The following PTPRG variants were observed in gnomAD, a reference collection of about 807,000 sequenced individuals.
PTPRG encodes the protein receptor-type tyrosine-protein phosphatase gamma.
A neutral mutation model predicts 165.3 loss-of-function variants in PTPRG; 102 were observed. That is an observed-to-expected ratio of 0.62 (90% CI 0.53 to 0.73). PTPRG has a LOEUF of 0.73. Ranked by LOEUF, PTPRG falls within the 30% of genes least tolerant of loss-of-function variation. The probability of loss-of-function intolerance (pLI) is 0.00; values close to 1 mark genes in which losing one functional copy is unlikely to be tolerated. For missense variants in PTPRG, 1,866 were observed against 1,861.4 expected (o/e 1.00, Z -0.05); for synonymous variants, 675 against 669.5 (o/e 1.01, Z -0.13).
intron 4 of PTPRG, among the ~76,000 whole-genome samples, chr3:62,018,397 A>T (rs1308613088): frequency 3.9e-5 from 6 of 152,168 alleles, no homozygotes. Context: ...GCTCAATCTC[A>T]CCGTTTCCCT....
chr3:61,963,871 T>G (rs1284192218), intron 2 of PTPRG, among the ~76,000 whole-genome samples: 1 of 151,116 alleles, frequency 6.6e-6, no homozygotes, highest in East Asian at 1.9e-4. Context: ...GCAATATATA[T>G]TTTAAAAAAA....
chr3:61,578,157 G>A (rs186455641), intron 1 of PTPRG, among the ~76,000 whole-genome samples: 2 of 152,306 alleles, frequency 1.3e-5, no homozygotes, highest in East Asian at 1.9e-4. Context: ...GCTACATCGT[G>A]GGACCTGTGT....
At chr3:61,917,956 TAAAAG>T (rs141316628) in intron 2 of PTPRG, among the ~76,000 whole-genome samples, 5,955 of 151,450 alleles carry the variant, frequency 0.039, 152 homozygotes, top group Non-Finnish European at 0.065. Context: ...AATAAATAAA[TAAAAG>T]AAGAAGAAGA....
At chr3:61,636,973 A>G (rs984720850) in intron 1 of PTPRG, among the ~76,000 whole-genome samples, 10 of 152,274 alleles carry the variant, frequency 6.6e-5, no homozygotes, top group East Asian at 3.9e-4. Flanking sequence ...TACTATGCCA[A>G]TTGGTTAAAT....
rs1702983864 is a variant in PTPRG, at chr3:62,293,965, A to G, written c.*658A>G. On this transcript the variant is annotated 3_prime_UTR_variant, in exon 30 of 30. Transcript: ENST00000474889. ...CCTTATTAGTTACAAAGTTATATTC[A>G]CAGTTTTTTAAAAATGTGTCAAAAT... 6.6e-6 allele frequency: 1 copy of G among 152,546 alleles called. No individual in the cohort carries two copies. The highest frequency in any genetic ancestry group is 2.4e-5 in the African/African-American group (1 of 41,424). The allele number at this position is 152,546 out of a possible 1,614,324, so 9.4% of individuals were successfully genotyped here. A position where few individuals can be genotyped will look rare whatever the true frequency, so the allele number is the denominator to read the frequency against.
chr3:61,768,063 T>C (rs1395719403), intron 2 of PTPRG, among the ~76,000 whole-genome samples: 1 of 151,922 alleles, frequency 6.6e-6, no homozygotes, highest in African/African-American at 2.4e-5. Flanking sequence ...ATAGGAAATA[T>C]AATAATTAGA....
At chr3:62,131,819 G>T (rs1703526393) in intron 5 of PTPRG, among the ~76,000 whole-genome samples, 1 of 152,086 alleles carries the variant, frequency 6.6e-6, no homozygotes, top group Admixed American at 6.6e-5. Flanking sequence ...TTCACTCTTG[G>T]ATTATTTTGA....
intron 1 of PTPRG, among the ~76,000 whole-genome samples, chr3:61,606,095 G>A (rs965625283): frequency 1.3e-5 from 2 of 152,160 alleles, no homozygotes; most frequent in Admixed American, 6.5e-5. Flanking sequence ...ATTATCTTGC[G>A]GTTTCCATGG....
chr3:61,643,458 C>T (rs774229859), intron 1 of PTPRG, among the ~76,000 whole-genome samples: 17 of 152,126 alleles, frequency 1.1e-4, no homozygotes, highest in Non-Finnish European at 2.5e-4. Flanking sequence ...TTTTCTAGGT[C>T]CAATAATAAC....
chr3:62,113,627 C>A (rs982502977), intron 5 of PTPRG, among the ~76,000 whole-genome samples: 6 of 152,126 alleles, frequency 3.9e-5, no homozygotes, highest in African/African-American at 1.4e-4. Context: ...AAATGTCAAG[C>A]AACATGAGGG....
At chr3:62,001,800 A>T (rs2041177485) in intron 3 of PTPRG, among the ~76,000 whole-genome samples, 1 of 152,208 alleles carries the variant, frequency 6.6e-6, no homozygotes, top group Admixed American at 6.5e-5. Context: ...ATTGGATCAT[A>T]GCCTCACCCA....
intron 28 of PTPRG, among the ~76,000 whole-genome samples, chr3:62,287,403 A>C (rs1168264061): frequency 6.6e-6 from 1 of 152,176 alleles, no homozygotes; most frequent in African/African-American, 2.4e-5. Flanking sequence ...TAGGGTATTA[A>C]AATATATCCT....
chr3:62,077,997 C>CAAAAAAAA (rs56828286), intron 4 of PTPRG, among the ~76,000 whole-genome samples, 166 bp from the exon 5 acceptor site: 8 of 94,378 alleles, frequency 8.5e-5, no homozygotes, highest in Middle Eastern at 6.7e-3. Flanking sequence ...GACCTTATCT[C>CAAAAAAAA]AAAAAAAAAA....
intron 5 of PTPRG, among the ~76,000 whole-genome samples, chr3:62,101,682 G>A (rs1163763043): frequency 1.3e-5 from 2 of 152,172 alleles, no homozygotes; most frequent in Non-Finnish European, 2.9e-5. Flanking sequence ...GCCTCCAGTG[G>A]CCTGTGAATA....
At chr3:62,145,351 C>T (rs991517722) in intron 6 of PTPRG, among the ~76,000 whole-genome samples, 1 of 152,088 alleles carries the variant, frequency 6.6e-6, no homozygotes, top group Non-Finnish European at 1.5e-5. Context: ...TAGCTGTCAC[C>T]ACTGCCACCA....
At chr3:62,110,667 A>G (rs1196282154) in intron 5 of PTPRG, among the ~76,000 whole-genome samples, 2 of 152,204 alleles carry the variant, frequency 1.3e-5, no homozygotes, top group Non-Finnish European at 2.9e-5. Flanking sequence ...GTATTGCTTC[A>G]TATTTCTAGA....
intron 2 of PTPRG, among the ~76,000 whole-genome samples, chr3:61,855,623 G>A (rs891378083): frequency 6.7e-6 from 1 of 150,102 alleles, no homozygotes; most frequent in Non-Finnish European, 1.5e-5. Flanking sequence ...TTTTACTAAG[G>A]GGTATAAAAT....
chr3:61,603,309 C>T (rs1387131943), intron 1 of PTPRG, among the ~76,000 whole-genome samples: 3 of 152,108 alleles, frequency 2.0e-5, no homozygotes, highest in African/African-American at 7.2e-5. Flanking sequence ...GGGGCGGAGC[C>T]TTTGTGGTTT....
chr3:62,276,577 A>G (rs567864532), intron 24 of PTPRG: 93 of 178,358 alleles, frequency 5.2e-4, no homozygotes, highest in African/African-American at 2.0e-3. Context: ...CTCTTTTCTA[A>G]GACCATCATG....
Sources: gnomAD v4.1 joint callset for allele counts (sites outside exome capture counted in the v4.1 genomes callset) on GRCh38, gnomAD v4.1.1 for gene constraint, MANE v1.5 for transcripts, NCBI Gene and HGNC (gene_info 2026-07-23, HGNC 2026-07-21) for gene names.